ADCY1: variants seen among roughly 807,000 people sequenced by gnomAD.
The protein encoded by ADCY1 is adenylate cyclase 1.
Under a neutral mutation model 105.4 loss-of-function variants are expected in ADCY1, and 28 were observed. That is an observed-to-expected ratio of 0.27 (90% CI 0.20 to 0.36). The LOEUF (loss-of-function observed/expected upper bound fraction) is 0.36. Ranked by LOEUF, ADCY1 falls within the 10% of genes least tolerant of loss-of-function variation. The pLI is 1.00. For synonymous variants in ADCY1, 655 were observed against 623.8 expected (o/e 1.05, Z -0.75); for missense variants, 977 against 1,434.2 (o/e 0.68, Z 5.15).
chr7:45,657,913 A>AGGGGG, intron 6 of ADCY1, 28 bp downstream of exon 6: 1 of 328,922 alleles, frequency 3.0e-6, no homozygotes. Flanking sequence ...TGGGGAGGGG[A>AGGGGG]GGGAGGTGGG....
chr7:45,686,219 A>G lies in ADCY1; in HGVS notation c.2327+4A>G. On this transcript the variant is annotated splice_donor_region_variant and intron_variant, in intron 13 of 19. Coordinates refer to ENST00000297323, the MANE Select transcript of ADCY1 (RefSeq NM_021116.4). This position sits in a 1 kb window ranked among gnomAD's most constrained non-coding sequence, Gnocchi z 4.3. ...TCAGCGGATACACCAGGACTGGGTA[A>G]GTGTGTGGCTCCTCAAGAAAAAGGC... The G allele has an allele frequency of 6.2e-7, 1 of 1,612,076 alleles. No homozygotes were observed. The highest frequency in any genetic ancestry group is 1.1e-5 in the South Asian group (1 of 90,794).
intron 4 of ADCY1, among the ~76,000 whole-genome samples, chr7:45,646,651 C>T (rs1312861673): frequency 6.6e-6 from 1 of 152,232 alleles, no homozygotes; most frequent in Non-Finnish European, 1.5e-5. Flanking sequence ...AGTGGACCTA[C>T]CTACCCAGCT....
In ADCY1 at chr7:45,714,442, C is replaced by T. The variant is rs566023482; in HGVS notation, c.*447C>T. The stretch of plus-strand genomic sequence containing the variant: ...CCCTCTGAGACAGCCCTGTCCGCCC[C>T]GCCCAGGTGGGACCTGACATACAGG... On this transcript the variant is annotated 3_prime_UTR_variant, in exon 20 of 20. Coordinates refer to ENST00000297323, the MANE Select transcript of ADCY1 (RefSeq NM_021116.4). 7 of 168,194 alleles carry T rather than the reference C, an allele frequency of 4.2e-5. No homozygotes were observed. The highest frequency in any genetic ancestry group is 3.4e-4 in the East Asian group (2 of 5,820). 10.4% of individuals were successfully genotyped at this position (168,194 alleles called of 1,614,324 possible). A position where few individuals can be genotyped will look rare whatever the true frequency, so the allele number is the denominator to read the frequency against.
chr7:45,655,566 A>C (rs977902400), intron 5 of ADCY1, among the ~76,000 whole-genome samples: 1 of 152,268 alleles, frequency 6.6e-6, no homozygotes, highest in African/African-American at 2.4e-5. Flanking sequence ...TGGGTGCATC[A>C]GTTTTTTAGA....
rs923019231 is a variant in ADCY1, at chr7:45,660,314, A to G, written c.1449+131A>G. The G allele has an allele frequency of 1.1e-5, 15 of 1,311,878 alleles. No individual in the cohort carries two copies. The African/African-American group carries it at 1.8e-4, about 15-fold the overall frequency. The allele number at this position is 1,311,878 out of a possible 1,614,324, so 81.3% of individuals were successfully genotyped here. The stretch of plus-strand genomic sequence containing the variant: ...GGGCTGTGAACTTGCTAAGATGGGG[A>G]GAGTTGTCCCCACTGACACCGTCCT... On this transcript the variant is annotated intron_variant, in intron 7 of 19. Coordinates refer to ENST00000297323, the MANE Select transcript of ADCY1 (RefSeq NM_021116.4).
chr7:45,584,493 G>A (rs973855909), intron 1 of ADCY1, among the ~76,000 whole-genome samples: 9 of 152,224 alleles, frequency 5.9e-5, no homozygotes, highest in South Asian at 4.1e-4. Flanking sequence ...AGAGCCCCCC[G>A]CTGCCCCCTG....
At chr7:45,633,034 C>T (rs1794301213) in intron 4 of ADCY1, among the ~76,000 whole-genome samples, 1 of 152,166 alleles carries the variant, frequency 6.6e-6, no homozygotes, top group South Asian at 2.1e-4. Context: ...TCTCCTACCT[C>T]AGCCTCTGGA....
rs1255857472 is a variant in ADCY1, at chr7:45,718,271, G to A, written c.*4276G>A. 1 of 152,234 alleles carries A rather than the reference G, an allele frequency of 6.6e-6. No individual in the cohort carries two copies. Among genetic ancestry groups the A allele is most frequent in the Non-Finnish European group, 1.5e-5 (1 of 68,088 alleles). The allele number at this position is 152,234 out of a possible 1,614,324, so 9.4% of individuals were successfully genotyped here. ...CAACGGTGGTATGCTGCAGTTTGTT[G>A]GTTTGGTGCAGAGTCTAAAGGATAA... is the stretch of plus-strand genomic sequence containing the variant. On this transcript the variant is annotated 3_prime_UTR_variant, in exon 20 of 20. Coordinates refer to ENST00000297323, the MANE Select transcript of ADCY1 (RefSeq NM_021116.4).
At chr7:45,666,515 TAC>T (rs533776476) in intron 8 of ADCY1, among the ~76,000 whole-genome samples, 17 of 152,394 alleles carry the variant, frequency 1.1e-4, no homozygotes, top group Middle Eastern at 6.8e-3. Context: ...ATTTTCTTAA[TAC>T]AGTCTGTCAT....
chr7:45,587,416 T>C (rs1448532533), intron 1 of ADCY1, among the ~76,000 whole-genome samples: 2 of 152,032 alleles, frequency 1.3e-5, no homozygotes, highest in African/African-American at 4.8e-5. Flanking sequence ...ACAGCCTGAT[T>C]GTGGGTTGTG....
chr7:45,592,920 G>A lies in ADCY1; in HGVS notation c.789+12G>A. The A allele has an allele frequency of 6.2e-7, 1 of 1,614,144 alleles. No homozygotes were observed. Among genetic ancestry groups the A allele is most frequent in the Non-Finnish European group, 8.5e-7 (1 of 1,180,012 alleles). On this transcript the variant is annotated intron_variant, in intron 2 of 19. Transcript: ENST00000297323. Reference sequence around the variant, plus strand: ...AGAACGAGAAGCAGGTCAGTGGCTTGGGCCAGTCAGCCTAGAGGGGTTGGC... The same window carrying A: ...AGAACGAGAAGCAGGTCAGTGGCTTAGGCCAGTCAGCCTAGAGGGGTTGGC...
At chr7:45,602,869 A>G (rs768046792) in intron 2 of ADCY1, among the ~76,000 whole-genome samples, 2 of 152,224 alleles carry the variant, frequency 1.3e-5, no homozygotes, top group Non-Finnish European at 2.9e-5. Flanking sequence ...ATCTTATTGT[A>G]GAAAATTAGT....
At chr7:45,600,180 G>A (rs1425660105) in intron 2 of ADCY1, among the ~76,000 whole-genome samples, 1 of 152,266 alleles carries the variant, frequency 6.6e-6, no homozygotes, top group Non-Finnish European at 1.5e-5. Flanking sequence ...TGGTCTATGA[G>A]GGAGAGGGCA....
Position 45,670,095 on chromosome 7 carries a change from G to A in ADCY1, c.1606-7774G>A, listed in dbSNP as rs149949014. 7.4e-4 allele frequency among the ~76,000 whole-genome samples: 112 copies of A among 152,258 alleles called. 1 individual carries two copies. Among genetic ancestry groups the A allele is most frequent in the African/African-American group, 2.4e-3 (101 of 41,542 alleles). ...AATTTTAGAAAATACTCTTGAGTAG[G>A]TATTAAGATGCTTAGCCTGGTGGTT... On this transcript the variant is annotated intron_variant, in intron 8 of 19. Transcript: ENST00000297323.
Position 45,714,153 on chromosome 7 carries a change from G to A in ADCY1, c.*158G>A, listed in dbSNP as rs1034723236. ...ATTGTCCAGGCATGGCCTGTGGCCC[G>A]AGGGCCAACCACCGAGCAGGCACAG... On this transcript the variant is annotated 3_prime_UTR_variant, in exon 20 of 20. Coordinates refer to ENST00000297323, the MANE Select transcript of ADCY1 (RefSeq NM_021116.4). 3 of 599,894 alleles carry A rather than the reference G, an allele frequency of 5.0e-6. No homozygotes were observed. Among genetic ancestry groups the A allele is most frequent in the Non-Finnish European group, 5.9e-6 (2 of 337,100 alleles). 37.2% of individuals were successfully genotyped at this position (599,894 alleles called of 1,614,324 possible).
intron 14 of ADCY1, among the ~76,000 whole-genome samples, chr7:45,693,186 A>G (rs28694706): frequency 0.15 from 23,266 of 152,038 alleles, 2,289 homozygotes; most frequent in Non-Finnish European, 0.21. Context: ...GATGAAGCCC[A>G]CTTGATCATG....
intron 8 of ADCY1, among the ~76,000 whole-genome samples, chr7:45,669,434 G>A (rs554491188): frequency 6.6e-6 from 1 of 152,286 alleles, no homozygotes; most frequent in South Asian, 2.1e-4. Flanking sequence ...ATGTAGTTGA[G>A]TGGTTTTAAG....
At chr7:45,599,089 C>T (rs1793152007) in intron 2 of ADCY1, among the ~76,000 whole-genome samples, 2 of 152,100 alleles carry the variant, frequency 1.3e-5, no homozygotes, top group Non-Finnish European at 2.9e-5. Flanking sequence ...CTGTCAGCCC[C>T]CTGCCATTGC....
In ADCY1 at chr7:45,687,445, A is replaced by G. The variant is rs553744498; in HGVS notation, c.2454+772A>G. Among the ~76,000 whole-genome samples the G allele has an allele frequency of 4.6e-5, 7 of 152,312 alleles. No homozygotes were observed. In the South Asian group the frequency reaches 1.0e-3, roughly 23 times the overall value. Reference sequence around the variant, plus strand: ...GTGTGAGCATCTTCACACCAACTCCATACTCCACAGCCCTCCGGGAGGTGA... The same window carrying G: ...GTGTGAGCATCTTCACACCAACTCCGTACTCCACAGCCCTCCGGGAGGTGA... On this transcript the variant is annotated intron_variant, in intron 14 of 19. Transcript: ENST00000297323.
Sources: allele counts gnomAD v4.1 joint callset (sites outside exome capture counted in the v4.1 genomes callset), GRCh38; gene constraint gnomAD v4.1.1; non-coding constraint Gnocchi (gnomAD v3.1); transcripts MANE v1.5; gene names NCBI Gene and HGNC (gene_info 2026-07-23, HGNC 2026-07-21).